The following ITPKB variants were observed in gnomAD, a reference collection of about 807,000 sequenced individuals.
ITPKB encodes inositol-trisphosphate 3-kinase B.
In ITPKB, 13 loss-of-function variants were observed where a neutral mutation model predicts 69.4. The observed-to-expected ratio is 0.19, with a 90% CI of 0.12 to 0.30. The LOEUF is 0.30. Among genes scored for constraint, ITPKB ranks in the 10% least tolerant of loss-of-function variants. The pLI is 1.00. For missense variants in ITPKB, 1,240 were observed against 1,250.5 expected (o/e 0.99, Z 0.13); for synonymous variants, 584 against 513.7 (o/e 1.14, Z -1.85).
intron 2 of ITPKB, among the ~76,000 whole-genome samples, chr1:226,672,238 C>T (rs1049170246): frequency 4.6e-5 from 7 of 152,144 alleles, no homozygotes; most frequent in African/African-American, 7.2e-5. Flanking sequence ...ACAGCGATCA[C>T]GTCTCACTCC....
At chr1:226,669,498 C>T (rs1016499185) in intron 2 of ITPKB, among the ~76,000 whole-genome samples, 6 of 152,142 alleles carry the variant, frequency 3.9e-5, no homozygotes, top group African/African-American at 1.4e-4. Context: ...GGTGAGTCTT[C>T]TGGAATAACA....
At chr1:226,647,138 G>T in intron 4 of ITPKB, 29 bp downstream of exon 4, 2 of 1,599,708 alleles carry the variant, frequency 1.3e-6, no homozygotes, top group South Asian at 1.1e-5. Context: ...ACTGAGGCAG[G>T]CATGTGGGCT....
At chr1:226,659,411 A>C (rs946886922) in intron 2 of ITPKB, among the ~76,000 whole-genome samples, 2 of 151,440 alleles carry the variant, frequency 1.3e-5, no homozygotes, top group Admixed American at 6.6e-5. Flanking sequence ...ACGGCCCCAC[A>C]CTCACTCTCT....
intron 2 of ITPKB, among the ~76,000 whole-genome samples, chr1:226,677,099 A>C (rs1669748423): frequency 6.6e-6 from 1 of 152,176 alleles, no homozygotes; most frequent in African/African-American, 2.4e-5. Context: ...CGCCGTCCTA[A>C]GATCTTGAGG....
At chr1:226,703,882 G>A (rs1015049446) in intron 2 of ITPKB, among the ~76,000 whole-genome samples, 16 of 152,322 alleles carry the variant, frequency 1.1e-4, no homozygotes, top group Non-Finnish European at 1.3e-4. Flanking sequence ...TAGGTCAGCA[G>A]GCTCCCAAAT....
At chr1:226,666,286 A>C (rs1471759580) in intron 2 of ITPKB, among the ~76,000 whole-genome samples, 1 of 152,210 alleles carries the variant, frequency 6.6e-6, no homozygotes, top group East Asian at 1.9e-4. Flanking sequence ...GGCAAGACTC[A>C]GCAAGGTCTG....
chr1:226,711,286 C>G (rs1035981054), intron 2 of ITPKB, among the ~76,000 whole-genome samples: 2 of 152,124 alleles, frequency 1.3e-5, no homozygotes, highest in African/African-American at 4.8e-5. Context: ...TACTCCACCT[C>G]CCCAAAATCC....
In ITPKB at chr1:226,647,312, C is replaced by T; in HGVS notation, c.2101G>A (p.Asp701Asn). The T allele has an allele frequency of 6.2e-7, 1 of 1,614,196 alleles. No homozygotes were observed. The highest frequency in any genetic ancestry group is 8.5e-7 in the Non-Finnish European group (1 of 1,180,018). The change falls in exon 4 of 8, where the codon GAC becomes AAC. Residue 701 changes from aspartate to asparagine, a missense_variant. By Grantham distance (23) the Asp-to-Asn change is conservative (BLOSUM62 1). Coordinates refer to ENST00000429204, the MANE Select transcript of ITPKB (RefSeq NM_002221.4). The part of the protein sequence containing the change: ...KHCESEQRCL[D>N]RLMVDVLRPF... Reference sequence around the variant, plus strand: ...CTCAGCACATCCACCATCAGCCGGTCCAGGCAGCGCTGCTCTGACTCACAG... The same window carrying T: ...CTCAGCACATCCACCATCAGCCGGTTCAGGCAGCGCTGCTCTGACTCACAG...
chr1:226,720,783 G>A (rs908111461), intron 2 of ITPKB, among the ~76,000 whole-genome samples: 1 of 151,520 alleles, frequency 6.6e-6, no homozygotes, highest in Non-Finnish European at 1.5e-5. Flanking sequence ...CGGGCGTGGT[G>A]GCTCATGCCT....
intron 2 of ITPKB, among the ~76,000 whole-genome samples, chr1:226,726,114 C>T (rs1428327955): frequency 1.3e-5 from 2 of 152,102 alleles, no homozygotes; most frequent in African/African-American, 4.8e-5. Flanking sequence ...TCACAAAGAC[C>T]ACATGAGGTA....
At chr1:226,717,081 C>T (rs538994554) in intron 2 of ITPKB, among the ~76,000 whole-genome samples, 29 of 152,220 alleles carry the variant, frequency 1.9e-4, no homozygotes, top group South Asian at 1.9e-3. Flanking sequence ...ATGTATATCA[C>T]CGGGCAGAAA....
At chr1:226,672,225 G>A (rs1421646394) in intron 2 of ITPKB, among the ~76,000 whole-genome samples, 4 of 152,162 alleles carry the variant, frequency 2.6e-5, no homozygotes, top group African/African-American at 4.8e-5. Flanking sequence ...GTGACAGCGT[G>A]TGACAGCGAT....
intron 2 of ITPKB, among the ~76,000 whole-genome samples, chr1:226,723,858 T>A (rs752409798): frequency 2.0e-5 from 3 of 152,008 alleles, no homozygotes; most frequent in Non-Finnish European, 2.9e-5. Context: ...CAAGTTCCAA[T>A]CCCTAGTAAC....
At chr1:226,691,855 G>A (rs1200895854) in intron 2 of ITPKB, among the ~76,000 whole-genome samples, 1 of 152,178 alleles carries the variant, frequency 6.6e-6, no homozygotes, top group African/African-American at 2.4e-5. Flanking sequence ...ATCCCCCAGA[G>A]CTCTGGAAGC....
chr1:226,681,470 G>C (rs530267376), intron 2 of ITPKB, among the ~76,000 whole-genome samples: 7 of 152,130 alleles, frequency 4.6e-5, no homozygotes, highest in Non-Finnish European at 1.0e-4. Flanking sequence ...CCCTGGCAAG[G>C]GCACAGAGTT....
chr1:226,718,893 A>C (rs1222125296), intron 2 of ITPKB, among the ~76,000 whole-genome samples: 1 of 152,244 alleles, frequency 6.6e-6, no homozygotes, highest in Non-Finnish European at 1.5e-5. Flanking sequence ...ATGAAGGCTT[A>C]CATCACACAA....
chr1:226,634,302 G>C lies in ITPKB; in HGVS notation c.*369C>G. 4.9e-6 allele frequency: 1 copy of C among 204,150 alleles called. No individual in the cohort carries two copies. Among genetic ancestry groups the C allele is most frequent in the South Asian group, 1.0e-4 (1 of 9,852 alleles). 12.6% of individuals were successfully genotyped at this position (204,150 alleles called of 1,614,324 possible). ...ACTCTAACAGCACTGGCCGCCAGGG[G>C]GCAGCAGGCCTCCGCAGGTGGTAGG... On this transcript the variant is annotated 3_prime_UTR_variant, in exon 8 of 8. Coordinates refer to ENST00000429204, the MANE Select transcript of ITPKB (RefSeq NM_002221.4). This position sits in a 1 kb window ranked among gnomAD's most constrained non-coding sequence, Gnocchi z 6.3.
intron 4 of ITPKB, among the ~76,000 whole-genome samples, chr1:226,643,531 G>A (rs985197513): frequency 9.9e-5 from 15 of 152,176 alleles, no homozygotes; most frequent in African/African-American, 3.6e-4. Context: ...TGTCTCCCAG[G>A]CCTTGTTCCA....
chr1:226,633,023 CGT>C lies in ITPKB; in HGVS notation c.*1646_*1647del, dbSNP rs1449284724. ...GAGGTCTCTCGTGCTCCACCGGGCG[CGT>C]GTGTGACCTTTAGCAAGTCGGCCCA... On this transcript the variant is annotated 3_prime_UTR_variant, in exon 8 of 8. Transcript: ENST00000429204. The C allele has an allele frequency of 6.6e-6, 1 of 152,308 alleles. No homozygotes were observed. Among genetic ancestry groups the C allele is most frequent in the Non-Finnish European group, 1.5e-5 (1 of 68,036 alleles). The allele number at this position is 152,308 out of a possible 1,614,324, so 9.4% of individuals were successfully genotyped here.
Sources: allele counts gnomAD v4.1 joint callset (sites outside exome capture counted in the v4.1 genomes callset), GRCh38; gene constraint gnomAD v4.1.1; non-coding constraint Gnocchi (gnomAD v3.1); transcripts MANE v1.5; gene names NCBI Gene and HGNC (gene_info 2026-07-23, HGNC 2026-07-21).